Variants in SMYD3 observed in about 807,000 individuals in gnomAD.
SMYD3 encodes SET and MYND domain containing 3, also known as histone-lysine N-methyltransferase SMYD3.
SMYD3 carries 36 observed loss-of-function variants against 57.7 expected under a neutral mutation model. The observed-to-expected ratio is 0.62, with a 90% CI of 0.48 to 0.82. SMYD3 has a LOEUF of 0.82. SMYD3 is among the 40% of genes least tolerant of loss of function. SMYD3 has a pLI of 0.00. For missense variants in SMYD3, 515 were observed against 538.8 expected, an observed-to-expected ratio of 0.96 and a Z score of 0.44; for synonymous variants, 211 against 195.0, an observed-to-expected ratio of 1.08 and a Z score of -0.68.
At chr1:245,896,601 G>A (rs1244213701) in intron 8 of SMYD3, among the ~76,000 whole-genome samples, 1 of 152,140 alleles carries the variant, frequency 6.6e-6, no homozygotes, top group Non-Finnish European at 1.5e-5. Context: ...CCAGAGAATG[G>A]GGTGAGGCTA....
chr1:245,885,530 CCTCA>C (rs2053042535), intron 8 of SMYD3, among the ~76,000 whole-genome samples: 2 of 152,130 alleles, frequency 1.3e-5, no homozygotes, highest in African/African-American at 2.4e-5. Context: ...ACTTCCTTAC[CCTCA>C]CTATCTGCCC....
intron 5 of SMYD3, among the ~76,000 whole-genome samples, chr1:246,102,103 A>C (rs1233637839): frequency 1.3e-5 from 2 of 152,074 alleles, no homozygotes; most frequent in African/African-American, 4.8e-5. Flanking sequence ...CTGGAGCTGA[A>C]CTCATCATCC....
chr1:246,357,083 A>T (rs891110350), intron 1 of SMYD3, among the ~76,000 whole-genome samples: 3 of 152,220 alleles, frequency 2.0e-5, no homozygotes, highest in Admixed American at 6.5e-5. Context: ...CAGATTTCTG[A>T]GCAGAAACTG....
At chr1:246,073,986 A>G (rs1250909904) in intron 5 of SMYD3, among the ~76,000 whole-genome samples, 1 of 152,218 alleles carries the variant, frequency 6.6e-6, no homozygotes, top group Non-Finnish European at 1.5e-5. Context: ...AGCTTGTCCA[A>G]CCTGTGGCCC....
intron 3 of SMYD3, among the ~76,000 whole-genome samples, chr1:246,332,848 G>A (rs2065482676): frequency 6.6e-6 from 1 of 152,190 alleles, no homozygotes; most frequent in Non-Finnish European, 1.5e-5. Flanking sequence ...AGTGCAAGGT[G>A]AAGCAGCAAG....
intron 5 of SMYD3, among the ~76,000 whole-genome samples, chr1:246,033,425 A>C (rs1165089051): frequency 3.9e-5 from 6 of 152,212 alleles, no homozygotes; most frequent in Admixed American, 6.5e-5. Context: ...TGTATCTATA[A>C]AAGGGCAACG....
At chr1:246,463,661 CAAAAAAAAAA>C (rs35482116) in intron 1 of SMYD3, among the ~76,000 whole-genome samples, 9 of 73,122 alleles carry the variant, frequency 1.2e-4, no homozygotes, top group Non-Finnish European at 2.1e-4. Flanking sequence ...ACTAAAAATA[CAAAAAAAAAA>C]AAAAAAAAAA....
intron 5 of SMYD3, among the ~76,000 whole-genome samples, chr1:246,219,624 T>C (rs560104266): frequency 1.3e-5 from 2 of 152,280 alleles, no homozygotes; most frequent in South Asian, 2.1e-4. Context: ...AGCTGCCTCA[T>C]GCGAAAAGGC....
At chr1:246,120,383 C>T (rs953613327) in intron 5 of SMYD3, among the ~76,000 whole-genome samples, 1 of 152,072 alleles carries the variant, frequency 6.6e-6, no homozygotes, top group Non-Finnish European at 1.5e-5. Context: ...GACCTTAATC[C>T]ACCCTCTACT....
intron 2 of SMYD3, among the ~76,000 whole-genome samples, chr1:246,347,655 G>C (rs144477027): frequency 6.6e-6 from 1 of 152,280 alleles, no homozygotes; most frequent in East Asian, 1.9e-4. Context: ...TGAAGGCTCT[G>C]TCCTCATGGG....
intron 5 of SMYD3, among the ~76,000 whole-genome samples, chr1:245,980,893 T>C (rs2058579441): frequency 6.6e-6 from 1 of 152,220 alleles, no homozygotes; most frequent in Admixed American, 6.5e-5. Context: ...AAATCAAGTT[T>C]TGTTGGTACT....
At chr1:245,798,609 G>C (rs959784937) in intron 10 of SMYD3, among the ~76,000 whole-genome samples, 1 of 151,834 alleles carries the variant, frequency 6.6e-6, no homozygotes, top group Non-Finnish European at 1.5e-5. Flanking sequence ...TCCATTCTTT[G>C]TGATGCCCAG....
intron 1 of SMYD3, among the ~76,000 whole-genome samples, chr1:246,440,653 G>C (rs1262120622): frequency 6.6e-6 from 1 of 152,068 alleles, no homozygotes; most frequent in East Asian, 1.9e-4. Context: ...AATAAATGTA[G>C]AAACATGTTG....
intron 5 of SMYD3, among the ~76,000 whole-genome samples, chr1:246,060,170 C>A (rs1312938811): frequency 6.6e-6 from 1 of 152,030 alleles, no homozygotes; most frequent in Non-Finnish European, 1.5e-5. Context: ...CATCTGTAGT[C>A]CCAGCTACTT....
rs2056455096 is a variant in SMYD3, at chr1:245,927,533, G to A, written c.702+398C>T. Among the ~76,000 whole-genome samples the A allele has an allele frequency of 2.0e-5, 3 of 152,082 alleles. No homozygotes were observed. The South Asian group carries it at 6.2e-4, about 32-fold the overall frequency. On this transcript the variant is annotated intron_variant, in intron 7 of 11. Transcript: ENST00000490107. ...GTGGCCTTCCGAGTGAAGAAGTCTT[G>A]GGGATCCCACTCACAAGCTGGGATG...
At chr1:245,881,902 A>G (rs2052799775) in intron 8 of SMYD3, among the ~76,000 whole-genome samples, 1 of 152,178 alleles carries the variant, frequency 6.6e-6, no homozygotes. Flanking sequence ...CCCCAGGACA[A>G]GAAAGAGCTC....
At chr1:246,218,652 T>C (rs1483277997) in intron 5 of SMYD3, among the ~76,000 whole-genome samples, 2 of 151,942 alleles carry the variant, frequency 1.3e-5, no homozygotes, top group Non-Finnish European at 2.9e-5. Flanking sequence ...CAACACTGTA[T>C]TTCTTAAGAC....
At chr1:246,307,481 G>A (rs562612084) in intron 5 of SMYD3, among the ~76,000 whole-genome samples, 36 of 143,498 alleles carry the variant, frequency 2.5e-4, no homozygotes, top group African/African-American at 7.3e-4. Flanking sequence ...GTGCAGTGGC[G>A]TGATCTCGGC....
At chr1:246,103,459 C>T (rs557248082) in intron 5 of SMYD3, among the ~76,000 whole-genome samples, 47 of 151,914 alleles carry the variant, frequency 3.1e-4, no homozygotes, top group African/African-American at 1.1e-3. Context: ...AAAAAAAGCT[C>T]GTGCTCCTCA....
Sources: allele counts gnomAD v4.1 joint callset (sites outside exome capture counted in the v4.1 genomes callset), GRCh38; gene constraint gnomAD v4.1.1; transcripts MANE v1.5; gene names NCBI Gene and HGNC (gene_info 2026-07-23, HGNC 2026-07-21).